The following ZBTB17 variants were observed in gnomAD, a reference collection of about 807,000 sequenced individuals.
The protein encoded by ZBTB17 is zinc finger and BTB domain containing 17.
A neutral mutation model predicts 85.1 loss-of-function variants in ZBTB17; 24 were observed. The observed-to-expected ratio is 0.28, with a 90% CI of 0.20 to 0.40. ZBTB17 has a LOEUF of 0.40. Ranked by LOEUF, ZBTB17 falls within the 10% of genes least tolerant of loss-of-function variation. The pLI is 1.00. For synonymous variants in ZBTB17, 464 were observed against 460.2 expected, an observed-to-expected ratio of 1.01 and a Z score of -0.11; for missense variants, 743 against 1,105.1, an observed-to-expected ratio of 0.67 and a Z score of 4.65.
Position 15,966,638 on chromosome 1 carries a change from C to A in ZBTB17, c.-3+6401G>T, listed in dbSNP as rs1256616379. 6.6e-6 allele frequency among the ~76,000 whole-genome samples: 1 copy of A among 152,198 alleles called. No homozygotes were observed. Among genetic ancestry groups the A allele is most frequent in the East Asian group, 1.9e-4 (1 of 5,200 alleles). ...AGTTTTCTACACGTATCTGTGCTGA[C>A]TGCATTACTGAGGTCAACCTTAATC... On this transcript the variant is annotated intron_variant, in intron 2 of 15. Coordinates refer to ENST00000375743, the MANE Select transcript of ZBTB17 (RefSeq NM_003443.3). This position sits in a 1 kb window ranked among gnomAD's most constrained non-coding sequence, Gnocchi z 4.1.
At chr1:15,949,636 C>T (rs1402689310) in intron 2 of ZBTB17, among the ~76,000 whole-genome samples, 1 of 152,206 alleles carries the variant, frequency 6.6e-6, no homozygotes, top group African/African-American at 2.4e-5. Flanking sequence ...TGGGGCTCTC[C>T]GCCCCCAGTT....
intron 2 of ZBTB17, among the ~76,000 whole-genome samples, chr1:15,963,667 T>G (rs1452777693): frequency 6.6e-6 from 1 of 152,152 alleles, no homozygotes; most frequent in Non-Finnish European, 1.5e-5. Flanking sequence ...AGCCCAAATT[T>G]ACACCTTATG....
At chr1:15,963,345 AAAAAT>A (rs756178644) in intron 2 of ZBTB17, among the ~76,000 whole-genome samples, 1 of 152,358 alleles carries the variant, frequency 6.6e-6, no homozygotes, top group East Asian at 1.9e-4. Context: ...AAGAGGAGTT[AAAAAT>A]AAAATAAAAT....
At chr1:15,960,278 G>C (rs1453563466) in intron 2 of ZBTB17, among the ~76,000 whole-genome samples, 1 of 152,188 alleles carries the variant, frequency 6.6e-6, no homozygotes, top group African/African-American at 2.4e-5. Flanking sequence ...TCTGTAAAAT[G>C]GAGATGATGA....
intron 2 of ZBTB17, among the ~76,000 whole-genome samples, chr1:15,957,654 G>A (rs2072099880): frequency 6.6e-6 from 1 of 152,166 alleles, no homozygotes; most frequent in Non-Finnish European, 1.5e-5. Flanking sequence ...AGGCTTAGTA[G>A]GGGCCCCAGT....
intron 2 of ZBTB17, among the ~76,000 whole-genome samples, chr1:15,954,601 G>C: frequency 6.6e-6 from 1 of 152,116 alleles, no homozygotes; most frequent in East Asian, 1.9e-4. Context: ...GCTCACACCT[G>C]TAATCCCAGC....
intron 2 of ZBTB17, among the ~76,000 whole-genome samples, chr1:15,949,317 G>A (rs1307138926): frequency 1.3e-5 from 2 of 152,200 alleles, no homozygotes; most frequent in Non-Finnish European, 2.9e-5. Flanking sequence ...CCGTGACTAA[G>A]TAACTATCTA....
intron 2 of ZBTB17, among the ~76,000 whole-genome samples, chr1:15,961,315 T>C (rs551014253): frequency 6.6e-6 from 1 of 152,352 alleles, no homozygotes; most frequent in African/African-American, 2.4e-5. Flanking sequence ...ATTAACTGTA[T>C]AGGATATAAA....
rs754694461 is a variant in ZBTB17 at position 15,945,726 on chromosome 1, C to T, written c.650G>A (p.Ser217Asn). ...CTGGGCGGGGCTACCTTGCTCCGAGCTCTCGGACAAAGCGGCCTCAGCTTC... is the reference window on the plus strand; with the variant it reads ...CTGGGCGGGGCTACCTTGCTCCGAGTTCTCGGACAAAGCGGCCTCAGCTTC... ...AAEAEAALSE[S>N]SEQEMEVEPA... Residue 217 changes from serine (S) to asparagine (N), a missense_variant, in exon 6 of 16, where the codon AGC becomes AAC. Ser to Asn is a conservative substitution (Grantham distance 46). Transcript: ENST00000375743. The T allele has an allele frequency of 1.2e-6, 2 of 1,607,086 alleles. No homozygotes were observed. Among genetic ancestry groups the T allele is most frequent in the East Asian group, 2.2e-5 (1 of 44,876 alleles).
chr1:15,964,882 G>C lies in ZBTB17; in HGVS notation c.-3+8157C>G, dbSNP rs963077495. Among the ~76,000 whole-genome samples the C allele has an allele frequency of 6.6e-6, 1 of 152,132 alleles. No individual in the cohort carries two copies. The highest frequency in any genetic ancestry group is 1.5e-5 in the Non-Finnish European group (1 of 68,016). On this transcript the variant is annotated intron_variant, in intron 2 of 15. Coordinates refer to ENST00000375743, the MANE Select transcript of ZBTB17 (RefSeq NM_003443.3). This position sits in a 1 kb window ranked among gnomAD's most constrained non-coding sequence, Gnocchi z 4.3. Reference sequence around the variant, plus strand: ...TATAATCCCAGCACTTTGGGAGGCCGAGATGGGTGGATCATGAGGTCAGGA... The same window carrying C: ...TATAATCCCAGCACTTTGGGAGGCCCAGATGGGTGGATCATGAGGTCAGGA...
At chr1:15,949,794 CAG>C (rs1156546441) in intron 2 of ZBTB17, among the ~76,000 whole-genome samples, 1 of 152,238 alleles carries the variant, frequency 6.6e-6, no homozygotes, top group Non-Finnish European at 1.5e-5. Context: ...CACACCAGCA[CAG>C]GTCGGCCTTG....
rs1428509151 is a variant in ZBTB17 at position 15,975,966 on chromosome 1, C to T, written c.-90+17G>A. ...CTCCCGGGACTTCCCCGGCCCCGGG[C>T]GATTGTTGACACTCACCTGCCATGT... On this transcript the variant is annotated intron_variant, in intron 1 of 15. Transcript: ENST00000375743. 3.1e-5 allele frequency: 22 copies of T among 699,466 alleles called. No homozygotes were observed. In the Admixed American group the frequency reaches 4.2e-4, roughly 13 times the overall value. 43.3% of individuals were successfully genotyped at this position (699,466 alleles called of 1,614,324 possible). A position where few individuals can be genotyped will look rare whatever the true frequency, so the allele number is the denominator to read the frequency against.
At position 15,943,151 on chromosome 1, in the gene ZBTB17, C is replaced by T. The variant is rs2071432063; in HGVS notation, c.1741G>A (p.Asp581Asn). The change falls in exon 13 of 16, where the codon GAC (aspartate) becomes AAC (asparagine). Residue 581 changes from aspartate to asparagine, a missense_variant. By Grantham distance (23) the Asp-to-Asn change is conservative. Coordinates refer to ENST00000375743, the MANE Select transcript of ZBTB17 (RefSeq NM_003443.3). ...CTGCACTTGTGTGGGCGGATGTTGTCGTGGTGGCGAATATGATTGGCCAAC... is the reference window on the plus strand; with the variant it reads ...CTGCACTTGTGTGGGCGGATGTTGTTGTGGTGGCGAATATGATTGGCCAAC... ...SQLANHIRHH[D>N]NIRPHKCSVC... The T allele has an allele frequency of 1.2e-6, 2 of 1,614,012 alleles. No homozygotes were observed. Among genetic ancestry groups the T allele is most frequent in the Non-Finnish European group, 1.7e-6 (2 of 1,180,012 alleles).
In ZBTB17 at chr1:15,951,076, G is replaced by C. The variant is rs1210562784; in HGVS notation, c.-2-2579C>G. On this transcript the variant is annotated intron_variant, in intron 2 of 15. Transcript: ENST00000375743. The surrounding 1 kb of genome is among the most constrained non-coding windows in gnomAD (Gnocchi z 4.1). ...GCCAAGAGAGCAGCTGTGTGCCCAT[G>C]AGCAACATTTTCCACCGTGCTGACT... is the stretch of plus-strand genomic sequence containing the variant. Among the ~76,000 whole-genome samples the C allele has an allele frequency of 6.6e-6, 1 of 152,202 alleles. No homozygotes were observed. The highest frequency in any genetic ancestry group is 1.5e-5 in the Non-Finnish European group (1 of 68,026).
Position 15,967,212 on chromosome 1 carries a change from C to CA in ZBTB17, c.-3+5826dup, listed in dbSNP as rs1241495917. Among the ~76,000 whole-genome samples, 11 of 151,414 alleles carry CA rather than the reference C, an allele frequency of 7.3e-5. 1 individual carries two copies. In the South Asian group the frequency reaches 2.1e-3, roughly 29 times the overall value. On this transcript the variant is annotated intron_variant, in intron 2 of 15. Transcript: ENST00000375743. ...GCAACGTGGCGAAACCCTATCTCCA[C>CA]AAAAAACAGAAAAATTAGCTAGGTG...
At chr1:15,970,006 A>G (rs2072587460) in intron 2 of ZBTB17, 1 of 824,284 alleles carries the variant, frequency 1.2e-6, no homozygotes, top group South Asian at 1.4e-5. Context: ...TTCGATGGAT[A>G]GCATTCACTG....
Position 15,964,969 on chromosome 1 carries a change from C to T in ZBTB17, c.-3+8070G>A, listed in dbSNP as rs147060888. The stretch of plus-strand genomic sequence containing the variant: ...TCTACTAAAAATAAAAAAAAATTAG[C>T]CAGGCGTGGTGGCACGCATCTGTAA... On this transcript the variant is annotated intron_variant, in intron 2 of 15. Transcript: ENST00000375743. This position sits in a 1 kb window ranked among gnomAD's most constrained non-coding sequence, Gnocchi z 4.3. Among the ~76,000 whole-genome samples, 9 of 152,052 alleles carry T rather than the reference C, an allele frequency of 5.9e-5. No homozygotes were observed. In the East Asian group the frequency reaches 1.7e-3, roughly 29 times the overall value.
intron 2 of ZBTB17, among the ~76,000 whole-genome samples, chr1:15,956,357 A>G (rs2072044019): frequency 6.6e-6 from 1 of 152,230 alleles, no homozygotes; most frequent in African/African-American, 2.4e-5. Context: ...GTGGTTACAG[A>G]TCAAGTAGGG....
chr1:15,952,811 C>T lies in ZBTB17; in HGVS notation c.-2-4314G>A, dbSNP rs1348652500. The T allele has an allele frequency of 6.6e-6, 1 of 152,380 alleles. No homozygotes were observed. The highest frequency in any genetic ancestry group is 1.5e-5 in the Non-Finnish European group (1 of 68,178). The allele number at this position is 152,380 out of a possible 1,614,324, so 9.4% of individuals were successfully genotyped here. A position where few individuals can be genotyped will look rare whatever the true frequency, so the allele number is the denominator to read the frequency against. On this transcript the variant is annotated intron_variant, in intron 2 of 15. Coordinates refer to ENST00000375743, the MANE Select transcript of ZBTB17 (RefSeq NM_003443.3). The surrounding 1 kb of genome is among the most constrained non-coding windows in gnomAD (Gnocchi z 4.3). ...CGAGGGACACACTTTCCTGGACCTC[C>T]CAGCCCAGCTGTGCGCTGCTGCACG...
Sources: gnomAD v4.1 joint callset for allele counts (sites outside exome capture counted in the v4.1 genomes callset) on GRCh38, gnomAD v4.1.1 for gene constraint, Gnocchi (gnomAD v3.1) non-coding constraint, MANE v1.5 for transcripts, NCBI Gene and HGNC (gene_info 2026-07-23, HGNC 2026-07-21) for gene names.